PDE4B: variants seen among roughly 807,000 people sequenced by gnomAD.
PDE4B encodes 3',5'-cyclic-AMP phosphodiesterase 4B.
In PDE4B, 20 loss-of-function variants were observed where a neutral mutation model predicts 82.2. That is an observed-to-expected ratio of 0.24 (90% CI 0.17 to 0.35). The LOEUF is 0.35. Ranked by LOEUF, PDE4B falls within the 10% of genes least tolerant of loss-of-function variation. PDE4B has a pLI of 1.00. For missense variants in PDE4B, 655 were observed against 907.2 expected (o/e 0.72, Z 3.57); for synonymous variants, 320 against 318.9 (o/e 1.00, Z -0.04).
chr1:66,046,471 G>A (rs980146986), intron 3 of PDE4B, among the ~76,000 whole-genome samples: 5 of 151,608 alleles, frequency 3.3e-5, no homozygotes, highest in Admixed American at 2.0e-4. Flanking sequence ...AAAACTATCT[G>A]TACTCATTCT....
In PDE4B at chr1:65,932,691, A is replaced by G. The variant is rs550698515; in HGVS notation, c.281+13856A>G. ...CAAAATAACCATTATGAAGATGTTC[A>G]CCAAAACCAAGAGAACAATGCATGA... On this transcript the variant is annotated intron_variant, in intron 3 of 16. Coordinates refer to ENST00000341517, the MANE Select transcript of PDE4B (RefSeq NM_002600.4). 3.3e-5 allele frequency among the ~76,000 whole-genome samples: 5 copies of G among 152,314 alleles called. No individual in the cohort carries two copies. In the East Asian group the frequency reaches 9.6e-4, roughly 29 times the overall value.
chr1:66,042,936 G>A (rs985537986), intron 3 of PDE4B, among the ~76,000 whole-genome samples: 1 of 151,736 alleles, frequency 6.6e-6, no homozygotes, highest in Admixed American at 6.6e-5. Context: ...CAATGGTGTA[G>A]TTCTTTGCAG....
chr1:66,261,902 G>C (rs17128694), intron 6 of PDE4B, among the ~76,000 whole-genome samples: 3,761 of 152,300 alleles, frequency 0.025, 71 homozygotes, highest in African/African-American at 0.051. Context: ...CAGACTGCTG[G>C]AGTAATCAGG....
At chr1:66,098,120 C>A (rs1645153185) in intron 3 of PDE4B, among the ~76,000 whole-genome samples, 1 of 152,096 alleles carries the variant, frequency 6.6e-6, no homozygotes, top group Non-Finnish European at 1.5e-5. Flanking sequence ...TGTTCAGAGT[C>A]AGGTTCTTTC....
At chr1:66,112,370 A>G (rs926948025) in intron 3 of PDE4B, among the ~76,000 whole-genome samples, 2 of 152,206 alleles carry the variant, frequency 1.3e-5, no homozygotes, top group Admixed American at 1.3e-4. Flanking sequence ...ACCCCAGACT[A>G]TAATGAGGAC....
At chr1:65,966,964 G>T (rs1272556082) in intron 3 of PDE4B, among the ~76,000 whole-genome samples, 127 of 143,738 alleles carry the variant, frequency 8.8e-4, no homozygotes, top group South Asian at 1.3e-3. Context: ...TACCATTCAG[G>T]ACATAGGCAT....
intron 3 of PDE4B, among the ~76,000 whole-genome samples, chr1:66,110,717 G>A (rs1243642190): frequency 6.6e-6 from 1 of 151,998 alleles, no homozygotes; most frequent in Non-Finnish European, 1.5e-5. Context: ...GGTTGTCAAG[G>A]AAATAAACGA....
At chr1:66,371,347 A>C (rs972664113) in intron 16 of PDE4B, among the ~76,000 whole-genome samples, 4 of 151,182 alleles carry the variant, frequency 2.6e-5, no homozygotes, top group African/African-American at 9.8e-5. Flanking sequence ...AGACCATGGC[A>C]GGGGAATTCC....
intron 3 of PDE4B, among the ~76,000 whole-genome samples, chr1:66,171,031 A>G (rs186728412): frequency 6.1e-4 from 93 of 152,334 alleles, no homozygotes; most frequent in Non-Finnish European, 1.0e-3. Flanking sequence ...CCTACCTGGC[A>G]TGATACTTTC....
chr1:66,252,367 C>T (rs1023683830), intron 4 of PDE4B, among the ~76,000 whole-genome samples: 4 of 152,106 alleles, frequency 2.6e-5, no homozygotes, highest in African/African-American at 7.2e-5. Flanking sequence ...TTATGGATGC[C>T]CTTCAACTTA....
chr1:66,197,499 G>A (rs985942603), intron 3 of PDE4B, among the ~76,000 whole-genome samples: 3 of 152,032 alleles, frequency 2.0e-5, no homozygotes, highest in Non-Finnish European at 2.9e-5. Flanking sequence ...TATTTAAAAC[G>A]GAATATTCAG....
intron 3 of PDE4B, among the ~76,000 whole-genome samples, chr1:65,964,466 G>T (rs1649710190): frequency 6.6e-6 from 1 of 152,146 alleles, no homozygotes; most frequent in Non-Finnish European, 1.5e-5. Flanking sequence ...TATGGCAAGA[G>T]AAATTAACTT....
intron 3 of PDE4B, among the ~76,000 whole-genome samples, chr1:65,982,136 A>G (rs1650719936): frequency 6.6e-6 from 1 of 152,256 alleles, no homozygotes; most frequent in South Asian, 2.1e-4. Flanking sequence ...TGAATGTTAA[A>G]GATGTTTCTG....
intron 1 of PDE4B, among the ~76,000 whole-genome samples, chr1:65,858,139 G>A (rs1316568338): frequency 5.3e-5 from 8 of 152,150 alleles, no homozygotes. Flanking sequence ...ATTTCTGAAA[G>A]TTTCATTCTC....
At chr1:66,194,731 T>C (rs1334273071) in intron 3 of PDE4B, among the ~76,000 whole-genome samples, 1 of 152,032 alleles carries the variant, frequency 6.6e-6, no homozygotes, top group African/African-American at 2.4e-5. Flanking sequence ...AAAAGGTGAG[T>C]TCCTTGAGGA....
intron 3 of PDE4B, among the ~76,000 whole-genome samples, chr1:66,010,975 A>G (rs1036686196): frequency 2.6e-5 from 4 of 151,478 alleles, no homozygotes; most frequent in African/African-American, 9.7e-5. Context: ...TGGAGGAATA[A>G]GACTGATCAC....
chr1:65,867,592 G>T (rs1407375358), intron 1 of PDE4B, among the ~76,000 whole-genome samples: 1 of 152,184 alleles, frequency 6.6e-6, no homozygotes, highest in Non-Finnish European at 1.5e-5. Flanking sequence ...CTAGCTGTGT[G>T]CAGCCTTGTC....
intron 1 of PDE4B, among the ~76,000 whole-genome samples, chr1:65,798,825 A>T (rs937177155): frequency 6.6e-6 from 1 of 152,244 alleles, no homozygotes; most frequent in Non-Finnish European, 1.5e-5. Context: ...TACTGTAATT[A>T]CAGAATTAAA....
intron 7 of PDE4B, among the ~76,000 whole-genome samples, chr1:66,329,151 G>T (rs959283685): frequency 6.6e-6 from 1 of 152,136 alleles, no homozygotes; most frequent in South Asian, 2.1e-4. Context: ...GGGCCTTCAG[G>T]TTGCTGTGAG....
Sources: allele counts gnomAD v4.1 joint callset (sites outside exome capture counted in the v4.1 genomes callset), GRCh38; gene constraint gnomAD v4.1.1; transcripts MANE v1.5; gene names NCBI Gene and HGNC (gene_info 2026-07-23, HGNC 2026-07-21).